Variants in NOSTRIN observed in about 807,000 individuals in gnomAD.
NOSTRIN encodes the protein nitric oxide synthase trafficking.
Under a neutral mutation model 59.0 loss-of-function variants are expected in NOSTRIN, and 63 were observed. The ratio of observed to expected loss-of-function variants is 1.07; its 90% CI spans 0.87 to 1.32. NOSTRIN has a LOEUF of 1.32. NOSTRIN is among the 40% of genes most tolerant of loss of function. The pLI is 0.00. For synonymous variants in NOSTRIN, 200 were observed against 165.4 expected, an observed-to-expected ratio of 1.21 and a Z score of -1.61; for missense variants, 512 against 473.1, an observed-to-expected ratio of 1.08 and a Z score of -0.76.
intron 7 of NOSTRIN, among the ~76,000 whole-genome samples, chr2:168,840,541 A>AAAAAAAAAAAC (rs1688026425): frequency 6.8e-6 from 1 of 147,074 alleles, no homozygotes; most frequent in Non-Finnish European, 1.5e-5. Flanking sequence ...AAAAAAAAAA[A>AAAAAAAAAAAC]AAAAAAAAAA....
intron 12 of NOSTRIN, among the ~76,000 whole-genome samples, chr2:168,857,476 G>A (rs538169952): frequency 6.6e-6 from 1 of 152,284 alleles, no homozygotes; most frequent in South Asian, 2.1e-4. Flanking sequence ...GATGGTAGAA[G>A]AGGCAGGGAG....
chr2:168,843,573 G>A (rs1251112020), intron 8 of NOSTRIN, among the ~76,000 whole-genome samples: 1 of 151,860 alleles, frequency 6.6e-6, no homozygotes, highest in East Asian at 1.9e-4. Flanking sequence ...GGCAAAAGTA[G>A]ACACATAAAG....
chr2:168,849,859 C>G (rs1375312115), intron 8 of NOSTRIN, among the ~76,000 whole-genome samples: 1 of 151,504 alleles, frequency 6.6e-6, no homozygotes, highest in Non-Finnish European at 1.5e-5. Flanking sequence ...CTTTCTGCCC[C>G]CTGTAAAACC....
intron 15 of NOSTRIN, chr2:168,863,761 A>G: frequency 1.7e-6 from 1 of 601,610 alleles, no homozygotes; most frequent in South Asian, 7.5e-5. Context: ...AGACATACTT[A>G]TAGCAGCCAA....
chr2:168,826,474 G>A (rs187356834), intron 3 of NOSTRIN, among the ~76,000 whole-genome samples: 5 of 142,248 alleles, frequency 3.5e-5, no homozygotes, highest in South Asian at 4.5e-4. Context: ...TGCTTCCTTC[G>A]TTCCTTCTCT....
intron 11 of NOSTRIN, chr2:168,856,431 C>T (rs189121958): frequency 1.2e-4 from 49 of 413,438 alleles, no homozygotes; most frequent in Non-Finnish European, 2.0e-4. Flanking sequence ...GAAAATTAGC[C>T]GGACATGGTG....
In NOSTRIN at chr2:168,815,304, G is replaced by C. The variant is rs188599224; in HGVS notation, c.113+3652G>C. ...TTGCAGTAGCAAACAGATTTAGCCA[G>C]AGAAACATAGCAGCTCCTAGAATGC... On this transcript the variant is annotated intron_variant, in intron 2 of 15. Coordinates refer to ENST00000317647, the MANE Select transcript of NOSTRIN (RefSeq NM_001039724.4). 1.8e-3 allele frequency among the ~76,000 whole-genome samples: 277 copies of C among 152,318 alleles called. 1 individual carries two copies. Among genetic ancestry groups the C allele is most frequent in the African/African-American group, 6.3e-3 (264 of 41,584 alleles).
rs1274796200 is a variant in NOSTRIN, at chr2:168,851,275, G to T, written c.730-4G>T. The T allele has an allele frequency of 6.2e-7, 1 of 1,613,822 alleles. No homozygotes were observed. Among genetic ancestry groups the T allele is most frequent in the South Asian group, 1.1e-5 (1 of 90,890 alleles). On this transcript the variant is annotated splice_polypyrimidine_tract_variant and splice_region_variant and intron_variant, in intron 9 of 15. Transcript: ENST00000317647. ...ACCTTATTCTGTTCCCCTTGGCATT[G>T]CAGTGCCACACGCAGATTCACTGTG... is the stretch of plus-strand genomic sequence containing the variant.
chr2:168,845,169 G>A (rs1012108683), intron 8 of NOSTRIN, among the ~76,000 whole-genome samples: 1 of 152,138 alleles, frequency 6.6e-6, no homozygotes, highest in South Asian at 2.1e-4. Flanking sequence ...TTAGATGAAG[G>A]TGATGAGAAA....
At chr2:168,828,541 A>C (rs1269597971) in intron 5 of NOSTRIN, 40 bp downstream of exon 5, 1 of 788,176 alleles carries the variant, frequency 1.3e-6, no homozygotes. Flanking sequence ...GTTTAAAGCA[A>C]GATTCCTGTG....
chr2:168,813,610 A>T (rs1686257212), intron 2 of NOSTRIN, among the ~76,000 whole-genome samples: 1 of 152,104 alleles, frequency 6.6e-6, no homozygotes, highest in South Asian at 2.1e-4. Context: ...CTTATTCTAG[A>T]GTGACAAACA....
At chr2:168,839,280 GA>G (rs1420612680) in intron 7 of NOSTRIN, among the ~76,000 whole-genome samples, 1 of 152,116 alleles carries the variant, frequency 6.6e-6, no homozygotes, top group African/African-American at 2.4e-5. Flanking sequence ...TATGGAGATC[GA>G]TTTTTGAGCA....
chr2:168,825,755 CG>C (rs2105620124), intron 3 of NOSTRIN, among the ~76,000 whole-genome samples: 1 of 152,230 alleles, frequency 6.6e-6, no homozygotes, highest in East Asian at 1.9e-4. Context: ...TGCATGCAGA[CG>C]TGCCCTTGAA....
chr2:168,841,698 C>A (rs1688116824), intron 7 of NOSTRIN, among the ~76,000 whole-genome samples: 2 of 152,180 alleles, frequency 1.3e-5, no homozygotes, highest in Non-Finnish European at 2.9e-5. Context: ...CAAGGGAAAT[C>A]TTCCCTTTTG....
chr2:168,805,224 A>C (rs1574255957), intron 1 of NOSTRIN, among the ~76,000 whole-genome samples: 1 of 152,318 alleles, frequency 6.6e-6, no homozygotes, highest in Admixed American at 6.5e-5. Flanking sequence ...CTCAAAGAGC[A>C]AGGTCAGTGT....
chr2:168,833,261 G>C (rs552445), intron 6 of NOSTRIN, among the ~76,000 whole-genome samples: 92,569 of 152,004 alleles, frequency 0.61, 29,295 homozygotes, highest in African/African-American at 0.78. Flanking sequence ...ATATTCATGC[G>C]TCACACTCTC....
rs187845028 is a variant in NOSTRIN, at chr2:168,864,699, T to C, written c.1385-135T>C. ...TACACAGGTGTTCGATACATTTGGC[T>C]TCATCTGAATCAAGTGCAGAAAATG... On this transcript the variant is annotated intron_variant, in intron 15 of 15. Coordinates refer to ENST00000317647, the MANE Select transcript of NOSTRIN (RefSeq NM_001039724.4). 122 of 937,522 alleles carry C rather than the reference T, an allele frequency of 1.3e-4. 1 individual carries two copies. The African/African-American group carries it at 1.8e-3, about 14-fold the overall frequency. The allele number at this position is 937,522 out of a possible 1,614,324, so 58.1% of individuals were successfully genotyped here.
rs1282346576 is a variant in NOSTRIN, at chr2:168,843,052, CA to C, written c.572del (p.Asn191ThrfsTer9). On this transcript the variant is annotated frameshift_variant, in exon 8 of 16. Coordinates refer to ENST00000317647, the MANE Select transcript of NOSTRIN (RefSeq NM_001039724.4). LOFTEE classifies it high-confidence loss of function. ...GGAAAAGGAAGATGAAAATTACTAC[CA>C]AAAAAACATGGCGGGTTATTCTACC... ...KLEKEDENYY[Q>X]KNMAGYSTRL... 8.0e-6 allele frequency: 7 copies of C among 871,692 alleles called. No homozygotes were observed. Among genetic ancestry groups the C allele is most frequent in the African/African-American group, 4.9e-5 (3 of 61,194 alleles). The allele number at this position is 871,692 out of a possible 1,614,324, so 54.0% of individuals were successfully genotyped here. A position where few individuals can be genotyped will look rare whatever the true frequency, so the allele number is the denominator to read the frequency against.
upstream of NOSTRIN, among the ~76,000 whole-genome samples, chr2:168,798,809 C>CGATAGATAGATAGATA (rs1491130814): frequency 2.3e-4 from 8 of 34,456 alleles, no homozygotes; most frequent in African/African-American, 6.9e-4. Flanking sequence ...ATCGATCGAT[C>CGATAGATAGATAGATA]GATCGATAGA....
Sources: allele counts gnomAD v4.1 joint callset (sites outside exome capture counted in the v4.1 genomes callset), GRCh38; gene constraint gnomAD v4.1.1; transcripts MANE v1.5; gene names NCBI Gene and HGNC (gene_info 2026-07-23, HGNC 2026-07-21).